METTL16: variants seen among roughly 807,000 people sequenced by gnomAD.
METTL16 encodes the protein RNA N(6)-adenosine-methyltransferase METTL16.
METTL16 carries 19 observed loss-of-function variants against 57.9 expected under a neutral mutation model. The ratio of observed to expected loss-of-function variants is 0.33; its 90% CI spans 0.23 to 0.48. METTL16 has a LOEUF of 0.48. Ranked by LOEUF, METTL16 falls within the 20% of genes least tolerant of loss-of-function variation. The pLI is 0.99. For synonymous variants in METTL16, 246 were observed against 255.6 expected (o/e 0.96, Z 0.36); for missense variants, 434 against 691.5 (o/e 0.63, Z 4.18).
At chr17:2,491,687 A>AAC (rs1567904093) in intron 2 of METTL16, among the ~76,000 whole-genome samples, 2 of 151,560 alleles carry the variant, frequency 1.3e-5, no homozygotes, top group African/African-American at 4.9e-5. Flanking sequence ...CATCCTGGCT[A>AAC]ACACGGTGAA....
intron 6 of METTL16, among the ~76,000 whole-genome samples, chr17:2,452,052 G>A (rs537804450): frequency 3.6e-4 from 54 of 150,602 alleles, no homozygotes; most frequent in African/African-American, 1.2e-3. Flanking sequence ...TGATAGGATC[G>A]CTTGAGCCTG....
chr17:2,448,140 C>T (rs1329464676), intron 6 of METTL16, among the ~76,000 whole-genome samples: 5 of 88,114 alleles, frequency 5.7e-5, no homozygotes, highest in Admixed American at 1.1e-4. Flanking sequence ...GCCCCCCGCC[C>T]GGCCGGCCGC....
chr17:2,454,567 T>A (rs931081994), intron 6 of METTL16, among the ~76,000 whole-genome samples: 1,673 of 146,024 alleles, frequency 0.011, 9 homozygotes, highest in East Asian at 0.024. Flanking sequence ...ATTATTATTT[T>A]TTTTTTTTTT....
chr17:2,488,820 G>C (rs1435577275), intron 2 of METTL16, among the ~76,000 whole-genome samples: 1 of 152,082 alleles, frequency 6.6e-6, no homozygotes, highest in Non-Finnish European at 1.5e-5. Context: ...TCTACGTTGC[G>C]TTTCTCACAA....
chr17:2,439,624 T>C (rs549408394), intron 7 of METTL16, among the ~76,000 whole-genome samples: 1 of 152,026 alleles, frequency 6.6e-6, no homozygotes, highest in African/African-American at 2.4e-5. Flanking sequence ...CTTGGAGGCA[T>C]AGTAAAAAAT....
chr17:2,461,189 C>G (rs886256980), intron 6 of METTL16, among the ~76,000 whole-genome samples: 4 of 152,002 alleles, frequency 2.6e-5, no homozygotes, highest in African/African-American at 9.7e-5. Context: ...CCCAACACTA[C>G]TAAAAAAAAT....
chr17:2,454,643 C>A (rs1381822386), intron 6 of METTL16, among the ~76,000 whole-genome samples: 1 of 149,238 alleles, frequency 6.7e-6, no homozygotes, highest in African/African-American at 2.5e-5. Flanking sequence ...CAGCTCACTG[C>A]AACCACTGTC....
chr17:2,449,552 T>C (rs757532244), intron 6 of METTL16, among the ~76,000 whole-genome samples: 1 of 151,134 alleles, frequency 6.6e-6, no homozygotes, highest in East Asian at 1.9e-4. Flanking sequence ...AAAACAAAGA[T>C]AGAGGATTTA....
At chr17:2,470,021 C>A (rs1193498162) in intron 4 of METTL16, among the ~76,000 whole-genome samples, 1 of 152,166 alleles carries the variant, frequency 6.6e-6, no homozygotes, top group African/African-American at 2.4e-5. Flanking sequence ...TAGGTTCCTA[C>A]AAGTCTCTCT....
intron 2 of METTL16, among the ~76,000 whole-genome samples, chr17:2,491,433 T>G (rs559441039): frequency 3.3e-5 from 5 of 152,318 alleles, no homozygotes; most frequent in African/African-American, 1.2e-4. Flanking sequence ...CTGTAGAAGC[T>G]GAACCTGATG....
chr17:2,448,871 A>T (rs1423315874), intron 6 of METTL16, among the ~76,000 whole-genome samples: 1 of 148,844 alleles, frequency 6.7e-6, no homozygotes, highest in Non-Finnish European at 1.5e-5. Context: ...TACTAAAAAT[A>T]CAAAAATTAG....
intron 6 of METTL16, chr17:2,460,378 G>C (rs1054908427): frequency 6.6e-6 from 1 of 152,140 alleles, no homozygotes; most frequent in African/African-American, 2.4e-5. Context: ...GGCTGCCACA[G>C]AGCCAAGTAT....
At chr17:2,483,527 G>C (rs1358387298) in intron 2 of METTL16, among the ~76,000 whole-genome samples, 1 of 152,120 alleles carries the variant, frequency 6.6e-6, no homozygotes, top group East Asian at 1.9e-4. Context: ...TTAGACATCA[G>C]AATTGGATAT....
At chr17:2,436,003 C>T (rs1350940298) in intron 8 of METTL16, among the ~76,000 whole-genome samples, 3 of 152,136 alleles carry the variant, frequency 2.0e-5, no homozygotes, top group Non-Finnish European at 1.5e-5. Flanking sequence ...CCGGAGGACT[C>T]GGTCTCGGAG....
At position 2,504,301 on chromosome 17, in the gene METTL16, G is replaced by A. The variant is rs190707499; in HGVS notation, c.1-1970C>T. ...CAAAGTTCTGGAGATAGAGGTGATG[G>A]TTGCACAAGAGAATGAACACATTTA... On this transcript the variant is annotated intron_variant, in intron 1 of 9. Coordinates refer to ENST00000263092, the MANE Select transcript of METTL16 (RefSeq NM_024086.4). 2.0e-5 allele frequency among the ~76,000 whole-genome samples: 3 copies of A among 152,284 alleles called. No homozygotes were observed. The East Asian group carries it at 5.8e-4, about 29-fold the overall frequency.
rs2067163228 is a variant in METTL16, at chr17:2,463,207, C to T, written c.728+1001G>A. 2.0e-5 allele frequency among the ~76,000 whole-genome samples: 3 copies of T among 152,162 alleles called. No homozygotes were observed. In the South Asian group the frequency reaches 6.2e-4, roughly 31 times the overall value. On this transcript the variant is annotated intron_variant, in intron 6 of 9. Coordinates refer to ENST00000263092, the MANE Select transcript of METTL16 (RefSeq NM_024086.4). ...AACCTAAACTGCTGAAAGGACGAGG[C>T]AACAAATTTATTCTGGTTCATGGGA...
At chr17:2,499,291 A>G (rs2151579076) in intron 2 of METTL16, among the ~76,000 whole-genome samples, 1 of 150,766 alleles carries the variant, frequency 6.6e-6, no homozygotes, top group East Asian at 1.9e-4. Flanking sequence ...TAAGTACAAT[A>G]GTAAGTATAG....
intron 8 of METTL16, among the ~76,000 whole-genome samples, chr17:2,430,811 G>C (rs1485477310): frequency 3.3e-5 from 5 of 151,938 alleles, no homozygotes; most frequent in Non-Finnish European, 7.4e-5. Flanking sequence ...TTATTTACCA[G>C]GAACCCCAAT....
chr17:2,507,307 AC>A (rs2067549854), intron 1 of METTL16, among the ~76,000 whole-genome samples: 1 of 79,678 alleles, frequency 1.3e-5, no homozygotes, highest in African/African-American at 4.8e-5. Flanking sequence ...CCGGCCAGCC[AC>A]CCCATCCAGG....
Sources: allele counts gnomAD v4.1 joint callset (sites outside exome capture counted in the v4.1 genomes callset), GRCh38; gene constraint gnomAD v4.1.1; transcripts MANE v1.5; gene names NCBI Gene and HGNC (gene_info 2026-07-23, HGNC 2026-07-21).